Variants in OTOG observed in about 807,000 individuals in gnomAD.
OTOG encodes otogelin.
In OTOG, 296 loss-of-function variants were observed where a neutral mutation model predicts 313.8. The ratio of observed to expected loss-of-function variants is 0.94; its 90% CI spans 0.86 to 1.04. The LOEUF is 1.04. Ranked by LOEUF, OTOG falls within the 50% of genes least tolerant of loss-of-function variation. The pLI, the probability that OTOG is intolerant of heterozygous loss-of-function variation, is 0.00. For synonymous variants in OTOG, 1,533 were observed against 1,554.9 expected, an observed-to-expected ratio of 0.99 and a Z score of 0.33; for missense variants, 3,948 against 3,840.1, an observed-to-expected ratio of 1.03 and a Z score of -0.74.
Position 17,610,811 on chromosome 11 carries a change from C to T in OTOG, c.5511C>T (p.Ala1837=). ...SVITTPLQPQ[A]TTLPAQTLSP... ...TCACCACTCCACTCCAGCCACAGGC[C>T]ACGACTCTGCCTGCTCAGACACTTA... The change falls in exon 36 of 56, where the codon GCC becomes GCT. Residue 1837 remains alanine, a synonymous_variant. Coordinates refer to ENST00000399397, the MANE Select transcript of OTOG (RefSeq NM_001292063.2). The T allele has an allele frequency of 6.4e-7, 1 of 1,550,834 alleles. No homozygotes were observed. The highest frequency in any genetic ancestry group is 1.7e-4 in the Middle Eastern group (1 of 5,992).
intron 32 of OTOG, among the ~76,000 whole-genome samples, chr11:17,604,732 C>T (rs761997570): frequency 3.9e-5 from 6 of 152,374 alleles, no homozygotes; most frequent in Non-Finnish European, 5.9e-5. Context: ...GCCTGGCCCA[C>T]AGCAGGCACT....
chr11:17,613,311 C>T (rs540877238), intron 38 of OTOG, among the ~76,000 whole-genome samples: 1 of 141,278 alleles, frequency 7.1e-6, no homozygotes, highest in African/African-American at 2.8e-5. Flanking sequence ...TCTTCTTTCC[C>T]TCCCTCTCTG....
chr11:17,560,845 T>C, intron 13 of OTOG, 28 bp downstream of exon 13: 1 of 1,521,728 alleles, frequency 6.6e-7, no homozygotes, highest in Non-Finnish European at 8.9e-7. Flanking sequence ...GGAAGCAGGG[T>C]GTGGGGCATG....
At position 17,642,128 on chromosome 11, in the gene OTOG, C is replaced by T; in HGVS notation, c.8297C>T (p.Pro2766Leu). ...ATTACCTACTTCTGTGCCCTCCAGC[C>T]CGGGGCATCCTGGATCGCAGACTGC... is the stretch of plus-strand genomic sequence containing the variant. The part of the protein sequence containing the change: ...FPNGTTSLFL[P>L]GASWIADCAR... Residue 2766 changes from proline (P) to leucine (L), a missense_variant and splice_region_variant, in exon 53 of 56, where the codon CCC (proline) becomes CTC (leucine). Pro to Leu is a moderately conservative substitution (Grantham distance 98). Transcript: ENST00000399397. 1.3e-6 allele frequency: 2 copies of T among 1,541,580 alleles called. No individual in the cohort carries two copies. The highest frequency in any genetic ancestry group is 1.8e-6 in the Non-Finnish European group (2 of 1,141,482).
At chr11:17,634,333 G>A (rs191057445) in intron 44 of OTOG, 52 bp downstream of exon 44, 19 of 1,519,668 alleles carry the variant, frequency 1.3e-5, no homozygotes, top group East Asian at 4.9e-5. Flanking sequence ...CAGTTAAAAG[G>A]TTCCAGCCCT....
chr11:17,628,649 A>C (rs1854041993), intron 39 of OTOG, among the ~76,000 whole-genome samples: 1 of 152,242 alleles, frequency 6.6e-6, no homozygotes, highest in African/African-American at 2.4e-5. Flanking sequence ...TTCACTGGAT[A>C]TCTTGATGTG....
At chr11:17,557,080 G>A in intron 7 of OTOG, 38 bp from the exon 8 acceptor site, 1 of 1,540,794 alleles carries the variant, frequency 6.5e-7, no homozygotes, top group Non-Finnish European at 8.7e-7. Context: ...TAGTGGAGGT[G>A]TTGTGGATAC....
intron 6 of OTOG, among the ~76,000 whole-genome samples, chr11:17,555,438 A>G (rs533893108): frequency 2.2e-4 from 34 of 152,200 alleles, no homozygotes; most frequent in African/African-American, 7.5e-4. Flanking sequence ...TTGGCCTTCA[A>G]TCTGATGGTA....
chr11:17,550,964 G>T (rs1251149625), intron 3 of OTOG, among the ~76,000 whole-genome samples: 2 of 152,258 alleles, frequency 1.3e-5, no homozygotes, highest in Non-Finnish European at 2.9e-5. Context: ...GTTGGCTCCA[G>T]GGACCAAGGG....
intron 23 of OTOG, among the ~76,000 whole-genome samples, chr11:17,583,153 C>A (rs1852712503): frequency 6.6e-6 from 1 of 151,540 alleles, no homozygotes; most frequent in South Asian, 2.1e-4. Flanking sequence ...TTTTTTTTTA[C>A]AGACAAGGTC....
intron 33 of OTOG, 123 bp downstream of exon 33, chr11:17,606,258 C>G: frequency 7.8e-7 from 1 of 1,278,972 alleles, no homozygotes; most frequent in Non-Finnish European, 1.0e-6. Context: ...TCTCCTGGCA[C>G]AGGGGCCACA....
rs886512655 is a variant in OTOG, at chr11:17,634,890, A to G, written c.7527A>G (p.Pro2509=). 2 of 1,525,746 alleles carry G rather than the reference A, an allele frequency of 1.3e-6. No individual in the cohort carries two copies. The highest frequency in any genetic ancestry group is 1.4e-5 in the African/African-American group (1 of 71,192). 94.5% of individuals were successfully genotyped at this position (1,525,746 alleles called of 1,614,324 possible). ...LCEGLAPTCR[P]GHRLLTHFQE... ...AGGGTCTCGCCCCCACATGCCGCCC[A>G]GGCCACCGCCTCCTCACCCACTTCC... The change falls in exon 45 of 56, where the codon CCA becomes CCG. Residue 2509 remains proline, a synonymous_variant. Transcript: ENST00000399397.
rs754940343 is a variant in OTOG, at chr11:17,610,848, C to A, written c.5548C>A (p.Pro1850Thr). 8 of 1,550,840 alleles carry A rather than the reference C, an allele frequency of 5.2e-6. No homozygotes were observed. Among genetic ancestry groups the A allele is most frequent in the Middle Eastern group, 1.7e-4 (1 of 6,014 alleles). Residue 1850 changes from proline (P) to threonine (T), a missense_variant, in exon 36 of 56, where the codon CCT (proline) becomes ACT (threonine). Pro to Thr is a conservative substitution (Grantham distance 38, BLOSUM62 -1). Coordinates refer to ENST00000399397, the MANE Select transcript of OTOG (RefSeq NM_001292063.2). ...TGCTCAGACACTTAGCCCAGTACTG[C>A]CTTTCACTCCAGCAGCAATGACCCA... ...LPAQTLSPVLPFTPAAMTQAH... is the reference protein window; with the variant it reads ...LPAQTLSPVLTFTPAAMTQAH...
intron 3 of OTOG, 58 bp from the exon 4 acceptor site, chr11:17,551,942 C>G (rs1455589851): frequency 8.7e-6 from 13 of 1,491,490 alleles, no homozygotes; most frequent in Admixed American, 5.9e-5. Flanking sequence ...GGAAGCCTGC[C>G]TGGGAACCCG....
In OTOG at chr11:17,611,215, G is replaced by T. The variant is rs534067659; in HGVS notation, c.5915G>T (p.Arg1972Met). ...TSYALSRVSA[R>M]TAPQDSMLVL... Reference sequence around the variant, plus strand: ...TATGCCCTGAGCCGTGTCTCAGCCAGGACGGCCCCCCAAGACAGCATGCTG... The same window carrying T: ...TATGCCCTGAGCCGTGTCTCAGCCATGACGGCCCCCCAAGACAGCATGCTG... Residue 1972 changes from arginine to methionine, a missense_variant, in exon 36 of 56, where the codon AGG becomes ATG. Coordinates refer to ENST00000399397, the MANE Select transcript of OTOG (RefSeq NM_001292063.2). 1.3e-4 allele frequency: 209 copies of T among 1,550,548 alleles called. 1 individual carries two copies. In the South Asian group the frequency reaches 2.2e-3, roughly 17 times the overall value.
At chr11:17,553,014 C>A in intron 4 of OTOG, 105 bp from the exon 5 acceptor site, 3 of 979,330 alleles carry the variant, frequency 3.1e-6, no homozygotes, top group South Asian at 1.5e-5. Flanking sequence ...GGGGCTGGGG[C>A]TGCCTGTTAT....
chr11:17,551,112 T>C (rs1447862257), intron 3 of OTOG, among the ~76,000 whole-genome samples: 2 of 152,238 alleles, frequency 1.3e-5, no homozygotes, highest in African/African-American at 4.8e-5. Flanking sequence ...GCAGGGACTC[T>C]GCCCTGTTCA....
chr11:17,558,591 C>T lies in OTOG; in HGVS notation c.1050C>T (p.His350=), dbSNP rs575344158. 797 of 1,550,464 alleles carry T rather than the reference C, an allele frequency of 5.1e-4. 2 individuals are homozygous for T. The highest frequency in any genetic ancestry group is 6.5e-4 in the South Asian group (55 of 84,066). ...ALLRPPFDAC[H]AYVSPLPFTA... ...TGCGGCCCCCCTTTGACGCCTGCCA[C>T]GCCTACGTCAGCCCTCTGCCCTTCA... Residue 350 remains histidine (H), a synonymous_variant, in exon 10 of 56, where the codon CAC becomes CAT. Coordinates refer to ENST00000399397, the MANE Select transcript of OTOG (RefSeq NM_001292063.2).
rs1403805748 is a variant in OTOG, at chr11:17,612,302, C to A, written c.6264C>A (p.Asp2088Glu). 6.5e-7 allele frequency: 1 copy of A among 1,538,970 alleles called. No individual in the cohort carries two copies. Among genetic ancestry groups the A allele is most frequent in the East Asian group, 2.4e-5 (1 of 40,894 alleles). Reference sequence around the variant, plus strand: ...GCCTCGCCGTGCGGGTGGGTGGGGACCGCTGCTGCCCACTCTGGGAGTGTG... The same window carrying A: ...GCCTCGCCGTGCGGGTGGGTGGGGAACGCTGCTGCCCACTCTGGGAGTGTG... Reference protein sequence around the residue: ...ILGLAVRVGGDRCCPLWECAC... With the variant: ...ILGLAVRVGGERCCPLWECAC... Residue 2088 changes from aspartate (D) to glutamate (E), a missense_variant, in exon 37 of 56, where the codon GAC becomes GAA. Physicochemically the swap from Asp to Glu is conservative, Grantham distance 45. Coordinates refer to ENST00000399397, the MANE Select transcript of OTOG (RefSeq NM_001292063.2).
Sources: allele counts gnomAD v4.1 joint callset (sites outside exome capture counted in the v4.1 genomes callset), GRCh38; gene constraint gnomAD v4.1.1; transcripts MANE v1.5; gene names NCBI Gene and HGNC (gene_info 2026-07-23, HGNC 2026-07-21).